SEMA6D: variants seen among roughly 807,000 people sequenced by gnomAD.
The protein encoded by SEMA6D is semaphorin-6D.
Under a neutral mutation model 106.6 loss-of-function variants are expected in SEMA6D, and 35 were observed. That is an observed-to-expected ratio of 0.33 (90% confidence interval 0.25 to 0.44). The LOEUF is 0.44. SEMA6D is among the 20% of genes least tolerant of loss of function. The pLI is 1.00. For synonymous variants in SEMA6D, 499 were observed against 487.7 expected, an observed-to-expected ratio of 1.02 and a Z score of -0.31; for missense variants, 1,185 against 1,345.9, an observed-to-expected ratio of 0.88 and a Z score of 1.87.
intron 3 of SEMA6D, among the ~76,000 whole-genome samples, chr15:47,586,444 T>G (rs1029888730): frequency 1.3e-5 from 2 of 152,196 alleles, no homozygotes; most frequent in Admixed American, 6.5e-5. Context: ...GGCAGCTAAC[T>G]TCAGTGAGCC....
chr15:47,467,548 C>T (rs2042702249), intron 2 of SEMA6D, among the ~76,000 whole-genome samples: 1 of 152,040 alleles, frequency 6.6e-6, no homozygotes, highest in Non-Finnish European at 1.5e-5. Context: ...AAAATGTTAG[C>T]TAAATGGTAG....
rs769479643 is a variant in SEMA6D at position 47,774,146 on chromosome 15, T to C, written c.*2361T>C. 6.6e-6 allele frequency: 1 copy of C among 152,642 alleles called. No homozygotes were observed. Among genetic ancestry groups the C allele is most frequent in the Non-Finnish European group, 1.5e-5 (1 of 68,044 alleles). The allele number at this position is 152,642 out of a possible 1,614,324, so 9.5% of individuals were successfully genotyped here. On this transcript the variant is annotated 3_prime_UTR_variant, in exon 19 of 19. Transcript: ENST00000536845. ...GAATAGATACCTTGTAAACTTGTAT[T>C]GTGGATGTGTAAATAATATGTACTT...
intron 4 of SEMA6D, among the ~76,000 whole-genome samples, chr15:47,655,099 A>G (rs1418781097): frequency 6.6e-6 from 1 of 152,016 alleles, no homozygotes; most frequent in Non-Finnish European, 1.5e-5. Context: ...CCAACCGTAT[A>G]TGATACATCT....
chr15:47,766,641 G>A lies in SEMA6D; in HGVS notation c.1672G>A (p.Glu558Lys). The A allele has an allele frequency of 1.9e-6, 3 of 1,612,906 alleles. No individual in the cohort carries two copies. The highest frequency in any genetic ancestry group is 2.5e-6 in the Non-Finnish European group (3 of 1,179,192). ...MLAEGYEQDT[E>K]FGNTAHLGDC... is the part of the protein sequence containing the mutation. ...TGCTGAAGGATATGAACAAGACACAGAATTCGGCAACACAGCTCATCTAGG... is the reference window on the plus strand; with the variant it reads ...TGCTGAAGGATATGAACAAGACACAAAATTCGGCAACACAGCTCATCTAGG... Residue 558 changes from glutamate to lysine, a missense_variant, in exon 16 of 19, where the codon GAA (glutamate) becomes AAA (lysine). By Grantham distance (56) the Glu-to-Lys change is moderately conservative (BLOSUM62 1). Coordinates refer to ENST00000536845, the MANE Select transcript of SEMA6D (RefSeq NM_001358351.3).
At chr15:47,651,260 C>T (rs1192606690) in intron 4 of SEMA6D, among the ~76,000 whole-genome samples, 2 of 151,984 alleles carry the variant, frequency 1.3e-5, no homozygotes, top group Non-Finnish European at 2.9e-5. Context: ...ATAAATTAGC[C>T]AGGCATAGTG....
At chr15:47,367,436 T>A (rs1174115418) in intron 1 of SEMA6D, among the ~76,000 whole-genome samples, 1 of 152,172 alleles carries the variant, frequency 6.6e-6, no homozygotes, top group East Asian at 1.9e-4. Flanking sequence ...ATCCTAAGTA[T>A]TTTGTCTTCT....
chr15:47,695,883 A>C (rs1293006218), intron 4 of SEMA6D, among the ~76,000 whole-genome samples: 1 of 152,194 alleles, frequency 6.6e-6, no homozygotes, highest in African/African-American at 2.4e-5. Context: ...GCATCAGTAT[A>C]TCCACTAAGC....
intron 1 of SEMA6D, among the ~76,000 whole-genome samples, chr15:47,250,951 A>G (rs1427908545): frequency 6.6e-6 from 1 of 152,242 alleles, no homozygotes; most frequent in Non-Finnish European, 1.5e-5. Flanking sequence ...ACGATTTTAA[A>G]TAATTAATGC....
intron 1 of SEMA6D, among the ~76,000 whole-genome samples, chr15:47,289,412 A>AG (rs2035507602): frequency 1.3e-5 from 2 of 151,672 alleles, no homozygotes; most frequent in Admixed American, 1.3e-4. Context: ...AAAAAAAAAA[A>AG]AAAAGAAAAG....
intron 1 of SEMA6D, among the ~76,000 whole-genome samples, chr15:47,373,888 A>G (rs1175534427): frequency 2.0e-5 from 3 of 152,206 alleles, no homozygotes; most frequent in Non-Finnish European, 4.4e-5. Context: ...GATAAAGGCA[A>G]GTAATTGGTT....
At chr15:47,556,549 CTTCCTAGTATTTTT>C (rs1474030575) in intron 3 of SEMA6D, among the ~76,000 whole-genome samples, 11 of 152,000 alleles carry the variant, frequency 7.2e-5, no homozygotes, top group African/African-American at 2.4e-4. Context: ...GTTTCTTGGC[CTTCCTAGTATTTTT>C]TTCTATTTTT....
In SEMA6D at chr15:47,766,691, T is replaced by G; in HGVS notation, c.1708+14T>G. 6.4e-7 allele frequency: 1 copy of G among 1,555,656 alleles called. No individual in the cohort carries two copies. Among genetic ancestry groups the G allele is most frequent in the Non-Finnish European group, 8.9e-7 (1 of 1,128,394 alleles). On this transcript the variant is annotated intron_variant, in intron 16 of 18. Transcript: ENST00000536845. ...GGGACTGCCATGGTAAGACAGAATC[T>G]TCCATTCCCACCTGGAGCTTCTTTT... is the stretch of plus-strand genomic sequence containing the variant.
intron 1 of SEMA6D, among the ~76,000 whole-genome samples, chr15:47,320,282 A>G (rs1475366272): frequency 6.6e-6 from 1 of 152,176 alleles, no homozygotes; most frequent in Non-Finnish European, 1.5e-5. Context: ...ATTCCTCACT[A>G]CAGCACCATC....
intron 4 of SEMA6D, among the ~76,000 whole-genome samples, chr15:47,618,787 A>T (rs978412303): frequency 1.3e-5 from 2 of 152,220 alleles, no homozygotes; most frequent in Non-Finnish European, 2.9e-5. Context: ...AACATTGAAC[A>T]TGTTAACTGA....
intron 1 of SEMA6D, among the ~76,000 whole-genome samples, chr15:47,398,441 G>T (rs886843698): frequency 6.6e-6 from 1 of 152,202 alleles, no homozygotes; most frequent in South Asian, 2.1e-4. Context: ...TGAGCCTTCA[G>T]GGTAGGACCG....
At chr15:47,760,865 A>T (rs2082023535) in intron 3 of SEMA6D, 113 bp from the exon 4 acceptor site, 2 of 933,472 alleles carry the variant, frequency 2.1e-6, no homozygotes, top group South Asian at 1.8e-5. Context: ...AGACAGAGAA[A>T]ATCCAGATGA....
At chr15:47,386,725 C>T (rs1181424530) in intron 1 of SEMA6D, among the ~76,000 whole-genome samples, 1 of 152,176 alleles carries the variant, frequency 6.6e-6, no homozygotes, top group Non-Finnish European at 1.5e-5. Context: ...AGGGCAATAG[C>T]TGGAGGCCTT....
At chr15:47,387,900 ATAAAG>A (rs1427525245) in intron 1 of SEMA6D, among the ~76,000 whole-genome samples, 3 of 152,346 alleles carry the variant, frequency 2.0e-5, no homozygotes, top group East Asian at 3.9e-4. Context: ...TAAGAATTAA[ATAAAG>A]TAATTTTTTA....
chr15:47,327,407 G>A (rs2037174500), intron 1 of SEMA6D, among the ~76,000 whole-genome samples: 1 of 152,048 alleles, frequency 6.6e-6, no homozygotes, highest in Admixed American at 6.6e-5. Context: ...CCACAGTTGT[G>A]GGACAACCTG....
Sources: allele counts gnomAD v4.1 joint callset (sites outside exome capture counted in the v4.1 genomes callset), GRCh38; gene constraint gnomAD v4.1.1; transcripts MANE v1.5; gene names NCBI Gene and HGNC (gene_info 2026-07-23, HGNC 2026-07-21).